The following PARD3B variants were observed in gnomAD, a reference collection of about 807,000 sequenced individuals.
PARD3B encodes par-3 family cell polarity regulator beta, also known as partitioning defective 3 homolog B.
PARD3B carries 103 observed loss-of-function variants against 130.2 expected under a neutral mutation model. The observed-to-expected ratio is 0.79, with a 90% CI of 0.67 to 0.93. The LOEUF (loss-of-function observed/expected upper bound fraction) is 0.93, where lower values mean the gene tolerates loss of function less well. PARD3B is among the 40% of genes least tolerant of loss of function. PARD3B has a pLI of 0.00. For synonymous variants in PARD3B, 583 were observed against 553.2 expected, an observed-to-expected ratio of 1.05 and a Z score of -0.76; for missense variants, 1,609 against 1,499.2, an observed-to-expected ratio of 1.07 and a Z score of -1.21.
At chr2:205,045,736 A>T (rs911288012) in intron 3 of PARD3B, among the ~76,000 whole-genome samples, 1 of 151,736 alleles carries the variant, frequency 6.6e-6, no homozygotes, top group Non-Finnish European at 1.5e-5. Flanking sequence ...TCTCTCTCTC[A>T]CACACGCACA....
intron 22 of PARD3B, among the ~76,000 whole-genome samples, chr2:205,553,884 A>G (rs2052761482): frequency 6.6e-6 from 1 of 152,062 alleles, no homozygotes; most frequent in Non-Finnish European, 1.5e-5. Context: ...ATAAGCAAAT[A>G]TTGCTGAGAG....
At chr2:205,560,190 A>G (rs1300523545) in intron 22 of PARD3B, among the ~76,000 whole-genome samples, 2 of 152,190 alleles carry the variant, frequency 1.3e-5, no homozygotes, top group Non-Finnish European at 2.9e-5. Context: ...AGTTTAATCC[A>G]TACTCTGCAC....
chr2:204,724,853 AG>A (rs139627270), intron 2 of PARD3B, among the ~76,000 whole-genome samples: 1,934 of 133,036 alleles, frequency 0.015, 47 homozygotes, highest in African/African-American at 0.048. Flanking sequence ...GGGGGTGGGT[AG>A]GGGGAAGACA....
Position 205,269,086 on chromosome 2 carries a change from A to G in PARD3B, c.2185+23264A>G, listed in dbSNP as rs2040621383. ...AGGCAAATAGTAGGGAACAGAGTCT[A>G]GATTTGAACCTAGGTCACTTTAGAC... On this transcript the variant is annotated intron_variant, in intron 16 of 22. Coordinates refer to ENST00000406610, the MANE Select transcript of PARD3B (RefSeq NM_001302769.2). This position sits in a 1 kb window ranked among gnomAD's most constrained non-coding sequence, Gnocchi z 4.7. Among the ~76,000 whole-genome samples the G allele has an allele frequency of 6.6e-6, 1 of 152,180 alleles. No homozygotes were observed. The highest frequency in any genetic ancestry group is 1.5e-5 in the Non-Finnish European group (1 of 68,018).
At chr2:205,090,771 G>A (rs776274206) in intron 4 of PARD3B, among the ~76,000 whole-genome samples, 1 of 152,044 alleles carries the variant, frequency 6.6e-6, no homozygotes, top group Admixed American at 6.6e-5. Context: ...AGCCTCTTGG[G>A]AGTGGAAGTG....
chr2:204,786,461 G>A (rs917304678), intron 2 of PARD3B, among the ~76,000 whole-genome samples: 4 of 151,868 alleles, frequency 2.6e-5, no homozygotes, highest in East Asian at 1.9e-4. Context: ...ACTGCAGCCC[G>A]GAGCTCCAGT....
At chr2:204,594,463 T>C (rs112442823) in intron 1 of PARD3B, among the ~76,000 whole-genome samples, 3 of 152,322 alleles carry the variant, frequency 2.0e-5, no homozygotes, top group African/African-American at 4.8e-5. Context: ...TATTCAGGAA[T>C]GTACTTTTAT....
chr2:204,687,877 A>C (rs996356419), intron 2 of PARD3B, among the ~76,000 whole-genome samples: 1 of 152,174 alleles, frequency 6.6e-6, no homozygotes, highest in Non-Finnish European at 1.5e-5. Context: ...CGAGAAGAAA[A>C]TGTCTTACCC....
chr2:204,991,655 G>A (rs1286658472), intron 3 of PARD3B, among the ~76,000 whole-genome samples: 10 of 149,454 alleles, frequency 6.7e-5, no homozygotes, highest in Non-Finnish European at 1.2e-4. Flanking sequence ...TCGCCACACC[G>A]ACTTCCACAA....
In PARD3B at chr2:205,562,720, C is replaced by G. The variant is rs2053181541; in HGVS notation, c.3260+9317C>G. Reference sequence around the variant, plus strand: ...AATCTTTGGTAGTTCTTGATGTTTTCCTATCTTATTGCCATTCCACCATCT... The same window carrying G: ...AATCTTTGGTAGTTCTTGATGTTTTGCTATCTTATTGCCATTCCACCATCT... On this transcript the variant is annotated intron_variant, in intron 22 of 22. Transcript: ENST00000406610. The surrounding 1 kb of genome is among the most constrained non-coding windows in gnomAD (Gnocchi z 5.4). 6.6e-6 allele frequency among the ~76,000 whole-genome samples: 1 copy of G among 152,150 alleles called. No individual in the cohort carries two copies. Among genetic ancestry groups the G allele is most frequent in the African/African-American group, 2.4e-5 (1 of 41,424 alleles).
intron 2 of PARD3B, among the ~76,000 whole-genome samples, chr2:204,817,345 AC>A (rs2043183740): frequency 6.6e-6 from 1 of 151,902 alleles, no homozygotes; most frequent in African/African-American, 2.4e-5. Flanking sequence ...TATTTCTGAG[AC>A]ACAGCTAGAT....
At chr2:205,168,894 G>T (rs151034563) in intron 11 of PARD3B, among the ~76,000 whole-genome samples, 1 of 152,132 alleles carries the variant, frequency 6.6e-6, no homozygotes, top group Non-Finnish European at 1.5e-5. Context: ...GAATAGGGAC[G>T]CTGTGGAATT....
chr2:205,442,688 T>A (rs755917201), intron 20 of PARD3B, among the ~76,000 whole-genome samples: 14 of 152,326 alleles, frequency 9.2e-5, no homozygotes, highest in Admixed American at 9.2e-4. Context: ...ACAACCAGCA[T>A]GCATCATCCC....
intron 5 of PARD3B, among the ~76,000 whole-genome samples, chr2:205,109,250 T>C (rs1166754915): frequency 6.6e-6 from 1 of 152,234 alleles, no homozygotes; most frequent in Non-Finnish European, 1.5e-5. Flanking sequence ...CCACAGATTC[T>C]TCCTGGAGGT....
chr2:205,200,828 A>G (rs1200467870), intron 15 of PARD3B, among the ~76,000 whole-genome samples: 1 of 152,224 alleles, frequency 6.6e-6, no homozygotes, highest in Non-Finnish European at 1.5e-5. Flanking sequence ...GGGATAGTGA[A>G]TGATAAAGGT....
rs531108914 is a variant in PARD3B at position 205,248,364 on chromosome 2, G to T, written c.2185+2542G>T. Among the ~76,000 whole-genome samples the T allele has an allele frequency of 3.5e-3, 497 of 140,504 alleles. 2 individuals are homozygous for T. The highest frequency in any genetic ancestry group is 0.012 in the African/African-American group (476 of 38,734). 92.2% of individuals were successfully genotyped at this position (140,504 alleles called of 152,430 possible). A position where few individuals can be genotyped will look rare whatever the true frequency, so the allele number is the denominator to read the frequency against. ...TCTGTGCGTTGCATTTACGTGAAGG[G>T]ATATCTCATTGGGATTTGGTGGTGG... On this transcript the variant is annotated intron_variant, in intron 16 of 22. Transcript: ENST00000406610.
intron 15 of PARD3B, among the ~76,000 whole-genome samples, chr2:205,195,609 C>T (rs534372431): frequency 3.3e-5 from 5 of 152,244 alleles, no homozygotes; most frequent in Admixed American, 6.5e-5. Context: ...ATAGACTATT[C>T]GTTTTCCATT....
chr2:204,855,255 C>T lies in PARD3B; in HGVS notation c.223-109897C>T, dbSNP rs79403085. Among the ~76,000 whole-genome samples, 635 of 152,162 alleles carry T rather than the reference C, an allele frequency of 4.2e-3. 8 individuals are homozygous for T. The highest frequency in any genetic ancestry group is 0.015 in the African/African-American group (611 of 41,536). On this transcript the variant is annotated intron_variant, in intron 2 of 22. Coordinates refer to ENST00000406610, the MANE Select transcript of PARD3B (RefSeq NM_001302769.2). ...CATGATCACATGTAACCTGAAAATA[C>T]GCATATCTGCCGGGCGTGGTGGCTC...
chr2:204,581,818 C>T (rs747349433), intron 1 of PARD3B, among the ~76,000 whole-genome samples: 1 of 152,138 alleles, frequency 6.6e-6, no homozygotes, highest in Non-Finnish European at 1.5e-5. Context: ...TGATTGCATC[C>T]TACAAAGTTC....
Sources: allele counts gnomAD v4.1 joint callset (sites outside exome capture counted in the v4.1 genomes callset), GRCh38; gene constraint gnomAD v4.1.1; non-coding constraint Gnocchi (gnomAD v3.1); transcripts MANE v1.5; gene names NCBI Gene and HGNC (gene_info 2026-07-23, HGNC 2026-07-21).